The following RNF216 variants were observed in gnomAD, a reference collection of about 807,000 sequenced individuals.
RNF216 encodes the protein ring finger protein 216.
RNF216 carries 72 observed loss-of-function variants against 110.8 expected under a neutral mutation model. That is an observed-to-expected ratio of 0.65 (90% CI 0.54 to 0.79). The LOEUF (loss-of-function observed/expected upper bound fraction) is 0.79. Among genes scored for constraint, RNF216 ranks in the 30% least tolerant of loss-of-function variants. The pLI is 0.00. For synonymous variants in RNF216, 495 were observed against 407.5 expected, an observed-to-expected ratio of 1.21 and a Z score of -2.59; for missense variants, 1,342 against 1,141.2, an observed-to-expected ratio of 1.18 and a Z score of -2.54.
chr7:5,726,308 T>G (rs1793748751), intron 7 of RNF216, among the ~76,000 whole-genome samples: 1 of 152,226 alleles, frequency 6.6e-6, no homozygotes, highest in South Asian at 2.1e-4. Context: ...TGTCCTTGAA[T>G]AAGTACAGGT....
intron 14 of RNF216, among the ~76,000 whole-genome samples, chr7:5,644,425 T>C (rs1787927259): frequency 1.3e-5 from 2 of 152,220 alleles, no homozygotes; most frequent in Non-Finnish European, 2.9e-5. Flanking sequence ...ATTTCTGTAA[T>C]GACTAATGAC....
intron 1 of RNF216, among the ~76,000 whole-genome samples, chr7:5,776,218 C>G (rs1796765795): frequency 6.6e-6 from 1 of 152,036 alleles, no homozygotes; most frequent in African/African-American, 2.4e-5. Context: ...TACATCAAAA[C>G]AAACTCTCAA....
At chr7:5,709,641 T>C (rs1011108315) in intron 13 of RNF216, among the ~76,000 whole-genome samples, 38 of 152,302 alleles carry the variant, frequency 2.5e-4, no homozygotes, top group African/African-American at 8.7e-4. Flanking sequence ...CAAAAACATA[T>C]GTGGTGTTCC....
chr7:5,641,020 TG>T, intron 15 of RNF216, 133 bp downstream of exon 15: 1 of 683,964 alleles, frequency 1.5e-6, no homozygotes, highest in South Asian at 2.1e-5. Context: ...ATTTTTTCTT[TG>T]GTTATCAGTC....
At chr7:5,762,667 G>C (rs1264113212) in intron 1 of RNF216, among the ~76,000 whole-genome samples, 1 of 151,848 alleles carries the variant, frequency 6.6e-6, no homozygotes, top group Non-Finnish European at 1.5e-5. Flanking sequence ...ACTCCAGCTT[G>C]CATGACAGAG....
chr7:5,765,416 A>C (rs1449723720), intron 1 of RNF216, among the ~76,000 whole-genome samples: 3 of 152,014 alleles, frequency 2.0e-5, no homozygotes, highest in Non-Finnish European at 4.4e-5. Flanking sequence ...GTGAGCTGAG[A>C]TTGTGCCACT....
At chr7:5,675,200 T>A (rs555061680) in intron 13 of RNF216, among the ~76,000 whole-genome samples, 1 of 152,360 alleles carries the variant, frequency 6.6e-6, no homozygotes, top group Non-Finnish European at 1.5e-5. Flanking sequence ...GTCTGTTGTA[T>A]GCTAGTTACT....
At position 5,642,114 on chromosome 7, in the gene RNF216, A is replaced by T. The variant is rs1231899890; in HGVS notation, c.2160-738T>A. On this transcript the variant is annotated intron_variant, in intron 14 of 16. Coordinates refer to ENST00000389902, the MANE Select transcript of RNF216 (RefSeq NM_207111.4). ...GTTTAGATAAAGTGCATTTAGTACT[A>T]TTACCTTAATGAGTCACCTCTGTAG... 3.3e-5 allele frequency among the ~76,000 whole-genome samples: 5 copies of T among 151,012 alleles called. No homozygotes were observed. In the East Asian group the frequency reaches 9.7e-4, roughly 29 times the overall value.
chr7:5,777,124 A>G (rs1037607397), intron 1 of RNF216, among the ~76,000 whole-genome samples: 1 of 149,898 alleles, frequency 6.7e-6, no homozygotes, highest in South Asian at 2.1e-4. Flanking sequence ...GAGCCAGTGG[A>G]GCCCGGCCTT....
chr7:5,727,174 C>T (rs1793811366), intron 7 of RNF216, among the ~76,000 whole-genome samples: 1 of 152,200 alleles, frequency 6.6e-6, no homozygotes. Flanking sequence ...AACTTAATCC[C>T]CAGTGTGGCG....
intron 1 of RNF216, among the ~76,000 whole-genome samples, chr7:5,770,630 T>A (rs537452213): frequency 4.0e-5 from 6 of 151,538 alleles, no homozygotes; most frequent in Admixed American, 3.3e-4. Flanking sequence ...ATATACTAGA[T>A]GACTTTAGAA....
intron 2 of RNF216, among the ~76,000 whole-genome samples, chr7:5,758,212 C>A (rs1472912224): frequency 6.6e-6 from 1 of 152,054 alleles, no homozygotes; most frequent in Non-Finnish European, 1.5e-5. Flanking sequence ...TATACATGTA[C>A]AGAAAATTTT....
intron 8 of RNF216, among the ~76,000 whole-genome samples, chr7:5,721,991 C>T (rs768243299): frequency 6.6e-6 from 1 of 152,342 alleles, no homozygotes; most frequent in East Asian, 1.9e-4. Flanking sequence ...GGCACATTCA[C>T]AGATCACTGC....
chr7:5,633,864 GAAGA>G (rs1562773739), intron 15 of RNF216, among the ~76,000 whole-genome samples: 1 of 152,166 alleles, frequency 6.6e-6, no homozygotes, highest in African/African-American at 2.4e-5. Context: ...TTTTAATTAA[GAAGA>G]GAGAAACAAA....
At chr7:5,718,961 A>T (rs1192469738) in intron 9 of RNF216, among the ~76,000 whole-genome samples, 1 of 152,228 alleles carries the variant, frequency 6.6e-6, no homozygotes, top group Non-Finnish European at 1.5e-5. Flanking sequence ...CCTGGCCAGA[A>T]ACGAATAAAC....
chr7:5,766,905 T>C (rs1562476484), intron 1 of RNF216: 1 of 152,248 alleles, frequency 6.6e-6, no homozygotes, highest in Non-Finnish European at 1.5e-5. Context: ...CAGATAGCTG[T>C]ATAATGATAA....
intron 13 of RNF216, among the ~76,000 whole-genome samples, chr7:5,664,971 A>AT (rs1789413635): frequency 6.6e-6 from 1 of 151,904 alleles, no homozygotes; most frequent in South Asian, 2.1e-4. Flanking sequence ...TAATTTTTGT[A>AT]TTTTTTAGGA....
At chr7:5,710,615 G>T (rs898933553) in intron 13 of RNF216, among the ~76,000 whole-genome samples, 4 of 152,088 alleles carry the variant, frequency 2.6e-5, no homozygotes, top group Non-Finnish European at 4.4e-5. Context: ...CCCACCTCAG[G>T]ACAGTGTGCT....
chr7:5,630,133 C>T (rs1786981125), intron 15 of RNF216, among the ~76,000 whole-genome samples: 1 of 152,080 alleles, frequency 6.6e-6, no homozygotes, highest in Non-Finnish European at 1.5e-5. Context: ...GATCACAGCA[C>T]AACTGTCCTG....
Sources: gnomAD v4.1 joint callset for allele counts (sites outside exome capture counted in the v4.1 genomes callset) on GRCh38, gnomAD v4.1.1 for gene constraint, MANE v1.5 for transcripts, NCBI Gene and HGNC (gene_info 2026-07-23, HGNC 2026-07-21) for gene names.